The following MALRD1 variants were observed in gnomAD, a reference collection of about 807,000 sequenced individuals.
MALRD1 encodes the protein MAM and LDL-receptor class A domain-containing protein 1.
A neutral mutation model predicts 242.1 loss-of-function variants in MALRD1; 247 were observed. The observed-to-expected ratio is 1.02, with a 90% CI of 0.92 to 1.13. The LOEUF (loss-of-function observed/expected upper bound fraction) is 1.13, where lower values mean the gene tolerates loss of function less well. Ranked by LOEUF, MALRD1 falls within the 50% of genes most tolerant of loss-of-function variation. The pLI is 0.00. For missense variants in MALRD1, 2,989 were observed against 2,533.1 expected, an observed-to-expected ratio of 1.18 and a Z score of -3.86; for synonymous variants, 995 against 866.6, an observed-to-expected ratio of 1.15 and a Z score of -2.60.
intron 2 of MALRD1, among the ~76,000 whole-genome samples, chr10:19,071,297 C>T (rs1835139232): frequency 7.6e-6 from 1 of 131,916 alleles, no homozygotes; most frequent in Non-Finnish European, 1.6e-5. Context: ...GAACAGGGGG[C>T]ACTCATTTTT....
At chr10:19,266,787 T>C (rs1281149864) in intron 19 of MALRD1, among the ~76,000 whole-genome samples, 1 of 152,004 alleles carries the variant, frequency 6.6e-6, no homozygotes, top group African/African-American at 2.4e-5. Flanking sequence ...TGTAATACAT[T>C]TCTACAGTTC....
At chr10:19,327,492 A>T in intron 22 of MALRD1, 71 bp from the exon 23 acceptor site, 1 of 1,197,242 alleles carries the variant, frequency 8.4e-7, no homozygotes. Context: ...AAATCACTGG[A>T]AGAATTCTAC....
intron 2 of MALRD1, among the ~76,000 whole-genome samples, chr10:19,067,289 C>T (rs1034256106): frequency 6.6e-6 from 1 of 152,128 alleles, no homozygotes; most frequent in Non-Finnish European, 1.5e-5. Flanking sequence ...GACTAGAAAG[C>T]TCTGCTGAAC....
intron 35 of MALRD1, among the ~76,000 whole-genome samples, chr10:19,610,600 A>T (rs746667103): frequency 2.6e-5 from 4 of 152,010 alleles, no homozygotes; most frequent in Non-Finnish European, 5.9e-5. Flanking sequence ...ATGCATACTT[A>T]TCTGGGACAG....
At chr10:19,598,322 A>G (rs760415385) in intron 34 of MALRD1, 1 of 152,120 alleles carries the variant, frequency 6.6e-6, no homozygotes, top group Non-Finnish European at 1.5e-5. Flanking sequence ...AGGGCACCAG[A>G]AGCACAAGGA....
intron 21 of MALRD1, among the ~76,000 whole-genome samples, chr10:19,316,781 A>G (rs1842723989): frequency 6.6e-6 from 1 of 151,908 alleles, no homozygotes; most frequent in South Asian, 2.1e-4. Flanking sequence ...TGAGAAGGGT[A>G]GTATGGGGAG....
intron 36 of MALRD1, among the ~76,000 whole-genome samples, chr10:19,631,122 T>A (rs1352626844): frequency 1.3e-5 from 2 of 152,202 alleles, no homozygotes; most frequent in African/African-American, 4.8e-5. Flanking sequence ...TAGTTATTTT[T>A]TTCTGATCCT....
In MALRD1 at chr10:19,093,850, G is replaced by A. The variant is rs1431649134; in HGVS notation, c.597+5665G>A. Reference sequence around the variant, plus strand: ...TGCAGGTCTGTTGGAATACCCTGCCGTGTGAGGTGTCAGTGTGCCCCTGCT... The same window carrying A: ...TGCAGGTCTGTTGGAATACCCTGCCATGTGAGGTGTCAGTGTGCCCCTGCT... On this transcript the variant is annotated intron_variant, in intron 4 of 39. Coordinates refer to ENST00000454679, the MANE Select transcript of MALRD1 (RefSeq NM_001142308.3). Among the ~76,000 whole-genome samples, 9 of 87,962 alleles carry A rather than the reference G, an allele frequency of 1.0e-4. 2 individuals are homozygous for A. Among genetic ancestry groups the A allele is most frequent in the Admixed American group, 3.9e-4 (3 of 7,750 alleles). 57.7% of individuals were successfully genotyped at this position (87,962 alleles called of 152,430 possible). A position where few individuals can be genotyped will look rare whatever the true frequency, so the allele number is the denominator to read the frequency against.
At chr10:19,548,616 A>G (rs1357593627) in intron 32 of MALRD1, among the ~76,000 whole-genome samples, 4 of 151,996 alleles carry the variant, frequency 2.6e-5, no homozygotes, top group African/African-American at 4.8e-5. Flanking sequence ...TGATGCTACT[A>G]TTGTATTTTT....
chr10:19,436,595 C>T (rs150661834), intron 28 of MALRD1, among the ~76,000 whole-genome samples: 2,527 of 152,244 alleles, frequency 0.017, 48 homozygotes, highest in Non-Finnish European at 0.027. Context: ...ACAGTGCTTA[C>T]GTGCAGTTCC....
At chr10:19,470,830 C>G (rs1417877080) in intron 29 of MALRD1, among the ~76,000 whole-genome samples, 4 of 151,642 alleles carry the variant, frequency 2.6e-5, no homozygotes, top group Non-Finnish European at 5.9e-5. Flanking sequence ...ATATTAGTCC[C>G]TTATCAGATA....
chr10:19,507,605 T>C (rs757431661), intron 31 of MALRD1, among the ~76,000 whole-genome samples: 4 of 152,162 alleles, frequency 2.6e-5, no homozygotes, highest in Non-Finnish European at 5.9e-5. Flanking sequence ...TTAATATGAA[T>C]TTTAAACAAT....
chr10:19,276,531 A>C (rs1224106656), intron 19 of MALRD1, among the ~76,000 whole-genome samples: 1 of 152,178 alleles, frequency 6.6e-6, no homozygotes, highest in Non-Finnish European at 1.5e-5. Context: ...TGATTTTTAT[A>C]ATCTCATTAT....
intron 32 of MALRD1, among the ~76,000 whole-genome samples, chr10:19,556,981 C>G (rs1200059356): frequency 6.6e-6 from 1 of 151,988 alleles, no homozygotes; most frequent in Non-Finnish European, 1.5e-5. Flanking sequence ...TTGGAAATAG[C>G]CATTTTAAAA....
intron 26 of MALRD1, among the ~76,000 whole-genome samples, chr10:19,386,017 G>T (rs368717080): frequency 8.6e-5 from 13 of 152,018 alleles, no homozygotes; most frequent in African/African-American, 3.1e-4. Flanking sequence ...ATAATACAAA[G>T]TCCACCTAAT....
intron 19 of MALRD1, among the ~76,000 whole-genome samples, chr10:19,272,398 A>G (rs1448507140): frequency 6.6e-6 from 1 of 152,202 alleles, no homozygotes; most frequent in African/African-American, 2.4e-5. Flanking sequence ...GTAAATAAGA[A>G]AACTATAATC....
chr10:19,179,639 G>T (rs1835413204), intron 14 of MALRD1, among the ~76,000 whole-genome samples: 1 of 151,548 alleles, frequency 6.6e-6, no homozygotes. Flanking sequence ...TAAAAAAGAG[G>T]GTAGATCTTA....
chr10:19,252,462 G>C (rs927393178), intron 18 of MALRD1, among the ~76,000 whole-genome samples: 29 of 152,036 alleles, frequency 1.9e-4, no homozygotes, highest in African/African-American at 6.8e-4. Flanking sequence ...TTCTCAGCAA[G>C]CTATAAGCCA....
chr10:19,139,516 C>G (rs1364078871), intron 10 of MALRD1, among the ~76,000 whole-genome samples: 1 of 152,014 alleles, frequency 6.6e-6, no homozygotes, highest in Non-Finnish European at 1.5e-5. Flanking sequence ...GGAATACTTA[C>G]CAAATTCTGG....
Sources: allele counts gnomAD v4.1 joint callset (sites outside exome capture counted in the v4.1 genomes callset), GRCh38; gene constraint gnomAD v4.1.1; transcripts MANE v1.5; gene names NCBI Gene and HGNC (gene_info 2026-07-23, HGNC 2026-07-21).